Variants in SHISA9 observed in about 807,000 individuals in gnomAD.
SHISA9 encodes the protein shisa family member 9.
A neutral mutation model predicts 38.0 loss-of-function variants in SHISA9; 13 were observed. The observed-to-expected ratio is 0.34, with a 90% confidence interval of 0.22 to 0.54. SHISA9 has a LOEUF of 0.54. SHISA9 is among the 20% of genes least tolerant of loss of function. The probability of loss-of-function intolerance (pLI) is 0.91; values close to 1 mark genes in which losing one functional copy is unlikely to be tolerated. For missense variants in SHISA9, 538 were observed against 575.8 expected (o/e 0.93, Z 0.67); for synonymous variants, 275 against 242.0 (o/e 1.14, Z -1.27).
intron 2 of SHISA9, among the ~76,000 whole-genome samples, chr16:13,164,733 A>AT (rs1345413756): frequency 1.3e-5 from 2 of 151,808 alleles, no homozygotes; most frequent in Non-Finnish European, 2.9e-5. Context: ...TTCCCTCTTA[A>AT]TTTTTTAATT....
At chr16:13,459,201 G>A in the SHISA9 span, among the ~76,000 whole-genome samples, 1 of 152,152 alleles carries the variant, frequency 6.6e-6, no homozygotes, top group Non-Finnish European at 1.5e-5. Flanking sequence ...TCCAAATGAA[G>A]ATTCCTAGAT....
chr16:13,370,123 G>C, the SHISA9 span, among the ~76,000 whole-genome samples: 1 of 152,150 alleles, frequency 6.6e-6, no homozygotes, highest in Non-Finnish European at 1.5e-5. Context: ...TGCAGCCCGA[G>C]TCGAGCTCAG....
At position 13,235,885 on chromosome 16, in the gene SHISA9, CAAGAG is replaced by C. The variant is rs2051378817; in HGVS notation, c.*482_*486del. The C allele has an allele frequency of 6.4e-6, 1 of 155,936 alleles. No individual in the cohort carries two copies. The highest frequency in any genetic ancestry group is 1.4e-5 in the Non-Finnish European group (1 of 70,710). The allele number at this position is 155,936 out of a possible 1,614,324, so 9.7% of individuals were successfully genotyped here. A position where few individuals can be genotyped will look rare whatever the true frequency, so the allele number is the denominator to read the frequency against. Reference sequence around the variant, plus strand: ...TGGGGGTAGAGAATGAGGGAGGACACAAGAGAAGAGTGTATTCTGGAAGAGGAGTT... The same window carrying C: ...TGGGGGTAGAGAATGAGGGAGGACACAAGAGTGTATTCTGGAAGAGGAGTT... On this transcript the variant is annotated 3_prime_UTR_variant, in exon 5 of 5. Transcript: ENST00000558583.
At chr16:13,321,229 C>T in the SHISA9 span, among the ~76,000 whole-genome samples, 1 of 152,186 alleles carries the variant, frequency 6.6e-6, no homozygotes, top group East Asian at 1.9e-4. Flanking sequence ...AGGTATGTTA[C>T]ACTAGCAGAC....
At chr16:13,251,533 G>T in the SHISA9 span, among the ~76,000 whole-genome samples, 1 of 152,130 alleles carries the variant, frequency 6.6e-6, no homozygotes, top group South Asian at 2.1e-4. Context: ...TTGGAGATTA[G>T]TGGTGCATGT....
intron 1 of SHISA9, among the ~76,000 whole-genome samples, chr16:12,915,215 C>T (rs1567337447): frequency 6.6e-6 from 1 of 152,220 alleles, no homozygotes; most frequent in Non-Finnish European, 1.5e-5. Flanking sequence ...AATCCCAACA[C>T]TTTGAGAGGT....
chr16:13,440,701 G>A, the SHISA9 span, among the ~76,000 whole-genome samples: 1 of 152,136 alleles, frequency 6.6e-6, no homozygotes, highest in Non-Finnish European at 1.5e-5. Flanking sequence ...GGCCGAGGCG[G>A]GCGGATCACG....
At chr16:13,421,934 G>A in the SHISA9 span, among the ~76,000 whole-genome samples, 15 of 152,188 alleles carry the variant, frequency 9.9e-5, no homozygotes, top group Admixed American at 2.0e-4. Flanking sequence ...CCCTGGTGAC[G>A]AGCACAGGAA....
intron 2 of SHISA9, among the ~76,000 whole-genome samples, chr16:13,124,655 G>C (rs1487038933): frequency 2.0e-5 from 3 of 152,114 alleles, no homozygotes; most frequent in Non-Finnish European, 4.4e-5. Context: ...ACCCAGAATA[G>C]CCAAAGCTAT....
chr16:13,509,897 G>A, the SHISA9 span, among the ~76,000 whole-genome samples: 1 of 152,128 alleles, frequency 6.6e-6, no homozygotes, highest in East Asian at 1.9e-4. Context: ...ACCTCTCTAA[G>A]CCTCATTTTC....
At chr16:13,351,453 C>G in the SHISA9 span, among the ~76,000 whole-genome samples, 1 of 152,166 alleles carries the variant, frequency 6.6e-6, no homozygotes, top group Non-Finnish European at 1.5e-5. Flanking sequence ...GAACTGAGGA[C>G]TGTCAACGTG....
intron 2 of SHISA9, among the ~76,000 whole-genome samples, chr16:13,167,673 C>G (rs146454139): frequency 0.013 from 1,906 of 152,242 alleles, 24 homozygotes; most frequent in South Asian, 0.023. Flanking sequence ...AGCACCTTCC[C>G]CCCTTCTCTC....
At chr16:12,920,112 G>A (rs560132827) in intron 2 of SHISA9, among the ~76,000 whole-genome samples, 2 of 150,034 alleles carry the variant, frequency 1.3e-5, no homozygotes, top group African/African-American at 2.4e-5. Flanking sequence ...CTGGATCAAC[G>A]TTTCTCACTC....
chr16:13,477,883 C>T, the SHISA9 span, among the ~76,000 whole-genome samples: 1 of 152,040 alleles, frequency 6.6e-6, no homozygotes, highest in Non-Finnish European at 1.5e-5. Flanking sequence ...GAGAATGGCC[C>T]GAACCCGGGA....
At chr16:13,546,062 A>G in the SHISA9 span, among the ~76,000 whole-genome samples, 2 of 152,310 alleles carry the variant, frequency 1.3e-5, no homozygotes, top group African/African-American at 2.4e-5. Context: ...AGAGAACACT[A>G]GGCTCACTAA....
the SHISA9 span, among the ~76,000 whole-genome samples, chr16:13,444,922 G>A: frequency 6.8e-6 from 1 of 146,244 alleles, no homozygotes; most frequent in Non-Finnish European, 1.5e-5. Flanking sequence ...GGGCTCAAGT[G>A]ATTCTTGTGT....
At chr16:13,356,228 T>G in the SHISA9 span, among the ~76,000 whole-genome samples, 1 of 152,192 alleles carries the variant, frequency 6.6e-6, no homozygotes, top group African/African-American at 2.4e-5. Flanking sequence ...CGGAATTTAA[T>G]TTTTGGAGTT....
rs371901957 is a variant in SHISA9 at position 13,147,376 on chromosome 16, G to T, written c.692-56018G>T. ...TCAGGTCATAAAATAGTGACAGCAG[G>T]AACTAGAAACTTTAAGGCTAGGGAT... On this transcript the variant is annotated intron_variant, in intron 2 of 4. Transcript: ENST00000558583. Among the ~76,000 whole-genome samples, 7 of 151,336 alleles carry T rather than the reference G, an allele frequency of 4.6e-5. No homozygotes were observed. In the East Asian group the frequency reaches 5.8e-4, roughly 13 times the overall value.
intron 2 of SHISA9, among the ~76,000 whole-genome samples, chr16:13,173,188 C>A (rs1372115407): frequency 6.7e-6 from 1 of 149,572 alleles, no homozygotes; most frequent in Non-Finnish European, 1.5e-5. Context: ...CATTCATTCT[C>A]ACTCATTTAC....
Sources: allele counts gnomAD v4.1 joint callset (sites outside exome capture counted in the v4.1 genomes callset), GRCh38; gene constraint gnomAD v4.1.1; transcripts MANE v1.5; gene names NCBI Gene and HGNC (gene_info 2026-07-23, HGNC 2026-07-21).